Variants in SLC24A3 observed in about 807,000 individuals in gnomAD.
SLC24A3 encodes solute carrier family 24 member 3.
SLC24A3 carries 28 observed loss-of-function variants against 75.8 expected under a neutral mutation model. That is an observed-to-expected ratio of 0.37 (90% CI 0.27 to 0.51). The LOEUF is 0.51. Among genes scored for constraint, SLC24A3 ranks in the 20% least tolerant of loss-of-function variants. The pLI, the probability that SLC24A3 is intolerant of heterozygous loss-of-function variation, is 0.94. For missense variants in SLC24A3, 663 were observed against 847.8 expected, an observed-to-expected ratio of 0.78 and a Z score of 2.71; for synonymous variants, 372 against 334.1, an observed-to-expected ratio of 1.11 and a Z score of -1.24.
At chr20:19,458,940 C>T (rs1444524443) in intron 2 of SLC24A3, among the ~76,000 whole-genome samples, 1 of 152,150 alleles carries the variant, frequency 6.6e-6, no homozygotes, top group Non-Finnish European at 1.5e-5. Flanking sequence ...AACTTGAGAA[C>T]TTAGGACTGG....
At chr20:19,301,027 C>T (rs747742452) in intron 2 of SLC24A3, among the ~76,000 whole-genome samples, 18 of 152,222 alleles carry the variant, frequency 1.2e-4, no homozygotes, top group African/African-American at 1.7e-4. Flanking sequence ...ACCTCCACAC[C>T]GAGCCTCTGA....
chr20:19,311,207 T>C (rs1984447993), intron 2 of SLC24A3, among the ~76,000 whole-genome samples: 1 of 152,078 alleles, frequency 6.6e-6, no homozygotes, highest in African/African-American at 2.4e-5. Flanking sequence ...TGCGAGGAAT[T>C]TGGGCATGAA....
At chr20:19,316,422 C>T (rs967873137) in intron 2 of SLC24A3, among the ~76,000 whole-genome samples, 3 of 152,226 alleles carry the variant, frequency 2.0e-5, no homozygotes, top group East Asian at 1.9e-4. Flanking sequence ...AGGCTGAAAA[C>T]CATCAGGGTT....
intron 1 of SLC24A3, among the ~76,000 whole-genome samples, chr20:19,273,442 C>T (rs1983389185): frequency 6.6e-6 from 1 of 152,198 alleles, no homozygotes; most frequent in African/African-American, 2.4e-5. Flanking sequence ...TCCATCAGGA[C>T]TTCTGCTTTC....
At chr20:19,575,212 G>C (rs1457896911) in intron 3 of SLC24A3, among the ~76,000 whole-genome samples, 1 of 136,986 alleles carries the variant, frequency 7.3e-6, no homozygotes, top group Admixed American at 8.3e-5. Context: ...TGAGTGCACT[G>C]CATCACTATA....
chr20:19,333,033 T>C (rs1985037324), intron 2 of SLC24A3, among the ~76,000 whole-genome samples: 1 of 152,140 alleles, frequency 6.6e-6, no homozygotes, highest in Admixed American at 6.5e-5. Context: ...TAGAGGGCTG[T>C]TTTGTTGTGG....
chr20:19,214,044 G>C (rs1034116273), intron 1 of SLC24A3, among the ~76,000 whole-genome samples: 1 of 152,194 alleles, frequency 6.6e-6, no homozygotes, highest in Non-Finnish European at 1.5e-5. Context: ...GCAGAATAAA[G>C]ACATTTTGAT....
intron 6 of SLC24A3, among the ~76,000 whole-genome samples, chr20:19,620,284 T>C (rs927897465): frequency 1.3e-5 from 2 of 152,184 alleles, no homozygotes; most frequent in Non-Finnish European, 2.9e-5. Context: ...AAAGAAATGA[T>C]GATTGGGGAG....
At chr20:19,353,298 A>C (rs768066101) in intron 2 of SLC24A3, among the ~76,000 whole-genome samples, 1 of 152,212 alleles carries the variant, frequency 6.6e-6, no homozygotes. Context: ...AGTAGATTCA[A>C]ATCACCAGTT....
At chr20:19,252,648 G>T (rs1022365475) in intron 1 of SLC24A3, among the ~76,000 whole-genome samples, 6 of 149,318 alleles carry the variant, frequency 4.0e-5, no homozygotes, top group African/African-American at 1.2e-4. Flanking sequence ...AATGGCGGGG[G>T]GGGGTGCCTG....
At chr20:19,673,692 C>T in intron 9 of SLC24A3, 38 bp downstream of exon 9, 1 of 1,546,548 alleles carries the variant, frequency 6.5e-7, no homozygotes, top group Non-Finnish European at 8.9e-7. Flanking sequence ...AAAACTGTTT[C>T]TTGCATTCCA....
chr20:19,634,000 C>T (rs1356176197), intron 6 of SLC24A3, among the ~76,000 whole-genome samples: 1 of 152,156 alleles, frequency 6.6e-6, no homozygotes, highest in Admixed American at 6.5e-5. Context: ...TCTATATCTG[C>T]CATAAAATAG....
At chr20:19,237,003 A>G (rs1982187581) in intron 1 of SLC24A3, among the ~76,000 whole-genome samples, 5 of 152,214 alleles carry the variant, frequency 3.3e-5, no homozygotes, top group Admixed American at 3.3e-4. Context: ...GGACACTTCC[A>G]AGCCTTGCAA....
intron 2 of SLC24A3, among the ~76,000 whole-genome samples, chr20:19,351,644 C>T (rs896433310): frequency 6.6e-6 from 1 of 152,128 alleles, no homozygotes; most frequent in Non-Finnish European, 1.5e-5. Context: ...TATCTGTCAG[C>T]ATCTTTTATC....
intron 2 of SLC24A3, among the ~76,000 whole-genome samples, chr20:19,310,456 T>A (rs1038337641): frequency 1.3e-5 from 2 of 152,232 alleles, no homozygotes; most frequent in African/African-American, 4.8e-5. Context: ...TAAAAATCAA[T>A]AAGGCTCTGA....
chr20:19,225,266 A>G (rs960388182), intron 1 of SLC24A3, among the ~76,000 whole-genome samples: 3 of 152,222 alleles, frequency 2.0e-5, no homozygotes, highest in African/African-American at 4.8e-5. Flanking sequence ...AAATATTCCT[A>G]GGACCTTAAG....
chr20:19,369,602 T>G (rs930273979), intron 2 of SLC24A3, among the ~76,000 whole-genome samples: 1 of 152,034 alleles, frequency 6.6e-6, no homozygotes, highest in Non-Finnish European at 1.5e-5. Context: ...ATTTCCATTT[T>G]TTTATAATTT....
At chr20:19,294,525 A>G (rs1984017233) in intron 2 of SLC24A3, among the ~76,000 whole-genome samples, 1 of 152,206 alleles carries the variant, frequency 6.6e-6, no homozygotes, top group Admixed American at 6.5e-5. Context: ...ATGTGGGAAC[A>G]TGCAGTGTTT....
chr20:19,437,484 C>G (rs79144092), intron 2 of SLC24A3, among the ~76,000 whole-genome samples: 4,161 of 152,248 alleles, frequency 0.027, 165 homozygotes, highest in East Asian at 0.1. Flanking sequence ...CCCAGTCCTG[C>G]GTATTTCCTT....
Sources: allele counts gnomAD v4.1 joint callset (sites outside exome capture counted in the v4.1 genomes callset), GRCh38; gene constraint gnomAD v4.1.1; transcripts MANE v1.5; gene names NCBI Gene and HGNC (gene_info 2026-07-23, HGNC 2026-07-21).